Variants in UNC80 observed in about 807,000 individuals in gnomAD.
UNC80 encodes protein unc-80 homolog.
Under a neutral mutation model 384.6 loss-of-function variants are expected in UNC80, and 164 were observed. That is an observed-to-expected ratio of 0.43 (90% confidence interval 0.38 to 0.49). The LOEUF (loss-of-function observed/expected upper bound fraction) is 0.49. Ranked by LOEUF, UNC80 falls within the 20% of genes least tolerant of loss-of-function variation. UNC80 has a pLI of 0.00. For synonymous variants in UNC80, 1,486 were observed against 1,527.8 expected, an observed-to-expected ratio of 0.97 and a Z score of 0.64; for missense variants, 3,330 against 4,143.0, an observed-to-expected ratio of 0.80 and a Z score of 5.39.
At chr2:209,825,028 A>G (rs982045658) in intron 13 of UNC80, among the ~76,000 whole-genome samples, 5 of 152,172 alleles carry the variant, frequency 3.3e-5, no homozygotes, top group African/African-American at 1.2e-4. Context: ...AGATTAGTTA[A>G]CTTATCTAAC....
At chr2:209,953,953 C>T in intron 47 of UNC80, 147 bp from the exon 48 acceptor site, 1 of 837,480 alleles carries the variant, frequency 1.2e-6, no homozygotes. Flanking sequence ...TTTCCAGCAG[C>T]TTTAACTGCT....
intron 6 of UNC80, among the ~76,000 whole-genome samples, chr2:209,789,835 T>G (rs966110814): frequency 1.3e-5 from 2 of 152,142 alleles, no homozygotes; most frequent in African/African-American, 4.8e-5. Context: ...ACGACTAGTA[T>G]TTTATCTCGG....
Position 209,808,616 on chromosome 2 carries a change from G to T in UNC80, c.939-4964G>T, listed in dbSNP as rs538176665. 2.8e-3 allele frequency among the ~76,000 whole-genome samples: 432 copies of T among 152,242 alleles called. 2 individuals are homozygous for T. Among genetic ancestry groups the T allele is most frequent in the Non-Finnish European group, 5.0e-3 (339 of 68,014 alleles). On this transcript the variant is annotated intron_variant, in intron 7 of 64. Transcript: ENST00000673920. ...CCACTTGCTCAGAGCGTGGCCTTAGGGGGAGGCACGCCTCCAATTGGCGCG... is the reference window on the plus strand; with the variant it reads ...CCACTTGCTCAGAGCGTGGCCTTAGTGGGAGGCACGCCTCCAATTGGCGCG...
At chr2:209,989,816 A>G (rs575687797) in intron 61 of UNC80, among the ~76,000 whole-genome samples, 4 of 152,326 alleles carry the variant, frequency 2.6e-5, no homozygotes, top group Non-Finnish European at 5.9e-5. Context: ...TAGACCCCAG[A>G]AAAAGAAACA....
At chr2:209,984,947 G>C in intron 61 of UNC80, 35 bp downstream of exon 61, 1 of 1,531,558 alleles carries the variant, frequency 6.5e-7, no homozygotes, top group Non-Finnish European at 8.8e-7. Context: ...ATTGGTGTCT[G>C]TGCTGGGAAA....
rs139275854 is a variant in UNC80, at chr2:209,814,418, G to A, written c.1200+577G>A. Among the ~76,000 whole-genome samples, 32 of 151,986 alleles carry A rather than the reference G, an allele frequency of 2.1e-4. No homozygotes were observed. The East Asian group carries it at 4.7e-3, about 22-fold the overall frequency. On this transcript the variant is annotated intron_variant, in intron 8 of 64. Transcript: ENST00000673920. ...GCCACCACACCCGGCTAATTTTTTT[G>A]TATTTTTTCAGTAGAGACAGGGTTT...
At chr2:209,833,276 CAAAAAA>C (rs554565630) in intron 16 of UNC80, among the ~76,000 whole-genome samples, 2 of 97,360 alleles carry the variant, frequency 2.1e-5, no homozygotes, top group African/African-American at 3.6e-5. Context: ...TTTCCTAAGG[CAAAAAA>C]AAAAAAAAAA....
intron 22 of UNC80, among the ~76,000 whole-genome samples, 188 bp downstream of exon 22, chr2:209,849,811 T>C (rs1462756027): frequency 1.3e-5 from 2 of 151,574 alleles, no homozygotes; most frequent in Non-Finnish European, 3.0e-5. Flanking sequence ...CCCTGGGAAA[T>C]AGACTGTCTA....
At chr2:209,896,543 A>C in intron 28 of UNC80, 130 bp downstream of exon 28, 1 of 762,818 alleles carries the variant, frequency 1.3e-6, no homozygotes. Flanking sequence ...GCAGGGGCTT[A>C]TGTTTTACCT....
chr2:209,988,179 T>C (rs1265872925), intron 61 of UNC80, among the ~76,000 whole-genome samples: 1 of 152,192 alleles, frequency 6.6e-6, no homozygotes, highest in Non-Finnish European at 1.5e-5. Context: ...ACCTTATCGC[T>C]CCCGTGAAGT....
intron 7 of UNC80, among the ~76,000 whole-genome samples, chr2:209,808,101 C>G (rs2079024307): frequency 6.6e-6 from 1 of 152,188 alleles, no homozygotes; most frequent in Admixed American, 6.5e-5. Flanking sequence ...CTAACATGCC[C>G]TGTTAGAAAA....
chr2:209,913,762 T>C, intron 30 of UNC80, 40 bp from the exon 31 acceptor site: 1 of 1,525,698 alleles, frequency 6.6e-7, no homozygotes, highest in Non-Finnish European at 8.9e-7. Flanking sequence ...GTATTCACTG[T>C]CTTAAAAGAT....
At chr2:209,876,516 C>G (rs1038793980) in intron 23 of UNC80, among the ~76,000 whole-genome samples, 11 of 152,060 alleles carry the variant, frequency 7.2e-5, no homozygotes, top group Admixed American at 7.2e-4. Flanking sequence ...TTTTGAGCAG[C>G]CCTTTAAGCT....
chr2:209,866,849 A>T (rs1480731322), intron 22 of UNC80, among the ~76,000 whole-genome samples: 1 of 152,120 alleles, frequency 6.6e-6, no homozygotes, highest in Non-Finnish European at 1.5e-5. Flanking sequence ...TGTGAACTTC[A>T]TTCTGTACTT....
At chr2:209,815,025 A>C (rs1314088340) in intron 8 of UNC80, among the ~76,000 whole-genome samples, 2 of 152,168 alleles carry the variant, frequency 1.3e-5, no homozygotes, top group African/African-American at 4.8e-5. Context: ...TAGCATTCTA[A>C]ATCTGGGGCT....
At chr2:209,831,102 T>G (rs1352903760) in intron 15 of UNC80, among the ~76,000 whole-genome samples, 1 of 152,036 alleles carries the variant, frequency 6.6e-6, no homozygotes, top group Admixed American at 6.5e-5. Context: ...CTTTTTTTTT[T>G]TCTTTTTTTT....
At chr2:209,772,248 C>T in intron 1 of UNC80, 84 bp downstream of exon 1, 1 of 654,128 alleles carries the variant, frequency 1.5e-6, no homozygotes. Context: ...GCCGCCGCCG[C>T]CGCTGAGGCC....
At chr2:209,830,275 C>G (rs2080859169) in intron 15 of UNC80, among the ~76,000 whole-genome samples, 1 of 152,148 alleles carries the variant, frequency 6.6e-6, no homozygotes, top group Admixed American at 6.5e-5. Flanking sequence ...TAAAATATTG[C>G]TCCTCTATAG....
intron 62 of UNC80, 49 bp from the exon 63 acceptor site, chr2:209,993,266 C>A: frequency 7.2e-7 from 1 of 1,394,680 alleles, no homozygotes; most frequent in East Asian, 2.5e-5. Flanking sequence ...CAATTTCCTC[C>A]TAGGCAGTTA....
Sources: gnomAD v4.1 joint callset for allele counts (sites outside exome capture counted in the v4.1 genomes callset) on GRCh38, gnomAD v4.1.1 for gene constraint, MANE v1.5 for transcripts, NCBI Gene and HGNC (gene_info 2026-07-23, HGNC 2026-07-21) for gene names.